JAKMIP2: variants seen among roughly 807,000 people sequenced by gnomAD.
JAKMIP2 encodes janus kinase and microtubule interacting protein 2.
Under a neutral mutation model 115.0 loss-of-function variants are expected in JAKMIP2, and 25 were observed. The ratio of observed to expected loss-of-function variants is 0.22; its 90% CI spans 0.16 to 0.30. JAKMIP2 has a LOEUF of 0.30. Ranked by LOEUF, JAKMIP2 falls within the 10% of genes least tolerant of loss-of-function variation. JAKMIP2 has a pLI of 1.00. For synonymous variants in JAKMIP2, 334 were observed against 343.6 expected (o/e 0.97, Z 0.31); for missense variants, 642 against 957.6 (o/e 0.67, Z 4.35).
chr5:147,729,455 G>A (rs188426586), intron 1 of JAKMIP2, among the ~76,000 whole-genome samples: 1 of 152,226 alleles, frequency 6.6e-6, no homozygotes, highest in African/African-American at 2.4e-5. Flanking sequence ...AAAGGTTAAA[G>A]CAAGGTTAGA....
rs912075182 is a variant in JAKMIP2 at position 147,591,750 on chromosome 5, C to A, written c.*21-64G>T. ...TTGTTAATAGCTGAATCATAAAAAA[C>A]AAACTTTAAAAAAAGACACAAATTT... On this transcript the variant is annotated intron_variant, in intron 21 of 21. Transcript: ENST00000616793. The A allele has an allele frequency of 2.0e-5, 21 of 1,047,398 alleles. No homozygotes were observed. The Admixed American group carries it at 2.2e-4, about 11-fold the overall frequency. 64.9% of individuals were successfully genotyped at this position (1,047,398 alleles called of 1,614,324 possible). A position where few individuals can be genotyped will look rare whatever the true frequency, so the allele number is the denominator to read the frequency against.
chr5:147,690,566 TATATA>T (rs1751792208), intron 1 of JAKMIP2, among the ~76,000 whole-genome samples: 1 of 125,142 alleles, frequency 8.0e-6, no homozygotes, highest in African/African-American at 3.2e-5. Flanking sequence ...TATATATATA[TATATA>T]TATATATATA....
chr5:147,701,612 C>T (rs1752328373), intron 1 of JAKMIP2, among the ~76,000 whole-genome samples: 1 of 152,174 alleles, frequency 6.6e-6, no homozygotes, highest in Non-Finnish European at 1.5e-5. Flanking sequence ...CACACACCAG[C>T]ATGAAGGATG....
intron 1 of JAKMIP2, among the ~76,000 whole-genome samples, chr5:147,776,819 T>C (rs571844001): frequency 4.6e-5 from 7 of 152,186 alleles, no homozygotes; most frequent in African/African-American, 1.7e-4. Flanking sequence ...TTCCAGCTAC[T>C]CAGGAGACTA....
intron 5 of JAKMIP2, among the ~76,000 whole-genome samples, chr5:147,645,528 A>G (rs541446859): frequency 4.5e-4 from 69 of 152,224 alleles, no homozygotes; most frequent in Admixed American, 1.2e-3. Context: ...TATCGAGGGG[A>G]AAAAAACCAC....
chr5:147,629,433 T>C (rs138363908), intron 15 of JAKMIP2, among the ~76,000 whole-genome samples: 1 of 152,302 alleles, frequency 6.6e-6, no homozygotes, highest in African/African-American at 2.4e-5. Flanking sequence ...CTTTACTTAT[T>C]GGAGATGTGG....
At chr5:147,678,847 G>GA (rs1234923672) in intron 1 of JAKMIP2, among the ~76,000 whole-genome samples, 1 of 151,730 alleles carries the variant, frequency 6.6e-6, no homozygotes, top group Non-Finnish European at 1.5e-5. Flanking sequence ...CTTTTCAGAA[G>GA]AAAAAAATGT....
At chr5:147,758,659 T>C (rs144624609) in intron 1 of JAKMIP2, among the ~76,000 whole-genome samples, 37 of 152,280 alleles carry the variant, frequency 2.4e-4, no homozygotes, top group African/African-American at 8.9e-4. Context: ...TATTGCCCAC[T>C]GTGGCCTTGA....
intron 1 of JAKMIP2, among the ~76,000 whole-genome samples, chr5:147,716,567 G>A (rs1391293175): frequency 6.6e-6 from 1 of 152,070 alleles, no homozygotes; most frequent in Non-Finnish European, 1.5e-5. Flanking sequence ...TCTCATTGCG[G>A]TTTTGATTTG....
At chr5:147,705,568 C>CA (rs199915059) in intron 1 of JAKMIP2, among the ~76,000 whole-genome samples, 34 of 144,194 alleles carry the variant, frequency 2.4e-4, no homozygotes, top group South Asian at 1.3e-3. Flanking sequence ...AGACCTGTCT[C>CA]AAAAAAAAAA....
Position 147,630,606 on chromosome 5 carries a change from G to A in JAKMIP2, c.1875+807C>T, listed in dbSNP as rs115250663. On this transcript the variant is annotated intron_variant, in intron 14 of 21. Transcript: ENST00000616793. ...TTTCTCATGTTCAAACAGCAGTATA[G>A]TAGAGCCCTACCACCAGGAAAGGGA... is the stretch of plus-strand genomic sequence containing the variant. Among the ~76,000 whole-genome samples, 469 of 152,180 alleles carry A rather than the reference G, an allele frequency of 3.1e-3. 3 individuals carry two copies. Among genetic ancestry groups the A allele is most frequent in the African/African-American group, 0.011 (446 of 41,520 alleles).
chr5:147,692,989 T>A (rs1751944164), intron 1 of JAKMIP2, among the ~76,000 whole-genome samples: 1 of 152,216 alleles, frequency 6.6e-6, no homozygotes. Flanking sequence ...ACCAGCACAA[T>A]CATAATTATG....
At position 147,782,487 on chromosome 5, in the gene JAKMIP2, A is replaced by G; in HGVS notation, c.-180T>C. Reference sequence around the variant, plus strand: ...GAGACCCGGAGAAGCTGTTTAAAGGAGGGAGAGATGCAAACTGAATCCATT... The same window carrying G: ...GAGACCCGGAGAAGCTGTTTAAAGGGGGGAGAGATGCAAACTGAATCCATT... On this transcript the variant is annotated 5_prime_UTR_variant, in exon 1 of 22. Coordinates refer to ENST00000616793, the MANE Select transcript of JAKMIP2 (RefSeq NM_001270941.2). 1 of 1,535,770 alleles carries G rather than the reference A, an allele frequency of 6.5e-7. No homozygotes were observed. Among genetic ancestry groups the G allele is most frequent in the South Asian group, 1.2e-5 (1 of 84,054 alleles).
chr5:147,760,601 G>A (rs1205181710), intron 1 of JAKMIP2, among the ~76,000 whole-genome samples: 1 of 152,144 alleles, frequency 6.6e-6, no homozygotes, highest in East Asian at 1.9e-4. Flanking sequence ...TTAGAATGAT[G>A]ACAATGGAAG....
At position 147,588,714 on chromosome 5, in the gene JAKMIP2, T is replaced by C. The variant is rs1174986995; in HGVS notation, c.*2993A>G. ...CAAAAAGAAAAAACAAGCAAACCTT[T>C]TGCCTGGCCCTAAACACATCTAAAG... On this transcript the variant is annotated 3_prime_UTR_variant, in exon 22 of 22. Transcript: ENST00000616793. The C allele has an allele frequency of 2.6e-5, 4 of 152,202 alleles. No homozygotes were observed. Among genetic ancestry groups the C allele is most frequent in the African/African-American group, 9.6e-5 (4 of 41,470 alleles). The allele number at this position is 152,202 out of a possible 1,614,324, so 9.4% of individuals were successfully genotyped here. A position where few individuals can be genotyped will look rare whatever the true frequency, so the allele number is the denominator to read the frequency against.
At chr5:147,683,718 A>T (rs1760427515) in intron 1 of JAKMIP2, among the ~76,000 whole-genome samples, 3 of 152,182 alleles carry the variant, frequency 2.0e-5, no homozygotes, top group Non-Finnish European at 4.4e-5. Context: ...TCATAAAGCC[A>T]CCTTTTCAAG....
At chr5:147,623,744 T>G in intron 16 of JAKMIP2, 55 bp from the exon 17 acceptor site, 1 of 1,139,400 alleles carries the variant, frequency 8.8e-7, no homozygotes, top group Admixed American at 1.7e-5. Context: ...ATGGTGTATA[T>G]CTGTGTGCCC....
chr5:147,679,247 C>T (rs147929543), intron 1 of JAKMIP2, among the ~76,000 whole-genome samples: 1,786 of 152,242 alleles, frequency 0.012, 22 homozygotes, highest in Middle Eastern at 0.024. Context: ...TCCCAAAGTC[C>T]TGGAATTACA....
At chr5:147,623,325 C>T (rs3763087) in intron 17 of JAKMIP2, among the ~76,000 whole-genome samples, 9,285 of 150,640 alleles carry the variant, frequency 0.062, 801 homozygotes, top group African/African-American at 0.19. Flanking sequence ...TTTTTCCTTG[C>T]TAATTAAATA....
Sources: gnomAD v4.1 joint callset for allele counts (sites outside exome capture counted in the v4.1 genomes callset) on GRCh38, gnomAD v4.1.1 for gene constraint, MANE v1.5 for transcripts, NCBI Gene and HGNC (gene_info 2026-07-23, HGNC 2026-07-21) for gene names.